ZBTB40: variants seen among roughly 807,000 people sequenced by gnomAD.
ZBTB40 encodes zinc finger and BTB domain containing 40, also known as zinc finger and BTB domain-containing protein 40.
Under a neutral mutation model 117.5 loss-of-function variants are expected in ZBTB40, and 60 were observed. The observed-to-expected ratio is 0.51, with a 90% confidence interval of 0.41 to 0.63. The LOEUF (loss-of-function observed/expected upper bound fraction) is 0.63. Among genes scored for constraint, ZBTB40 ranks in the 30% least tolerant of loss-of-function variants. The pLI is 0.00. For synonymous variants in ZBTB40, 525 were observed against 577.1 expected (o/e 0.91, Z 1.29); for missense variants, 1,287 against 1,498.5 (o/e 0.86, Z 2.33).
chr1:22,433,396 GC>G, intron 1 of ZBTB40, among the ~76,000 whole-genome samples: 1 of 107,226 alleles, frequency 9.3e-6, no homozygotes, highest in Non-Finnish European at 1.8e-5. Flanking sequence ...TCGCACCACT[GC>G]ACTCCAGCCT....
chr1:22,489,281 C>T (rs1194501859), intron 1 of ZBTB40, among the ~76,000 whole-genome samples: 1 of 152,096 alleles, frequency 6.6e-6, no homozygotes, highest in East Asian at 1.9e-4. Flanking sequence ...TCCTCGAGCA[C>T]TCCAAGCTTT....
At chr1:22,471,936 C>T (rs1372306509) in intron 1 of ZBTB40, among the ~76,000 whole-genome samples, 14 of 152,180 alleles carry the variant, frequency 9.2e-5, no homozygotes, top group African/African-American at 3.4e-4. Flanking sequence ...GTGTCAAGAG[C>T]GGATGGTGCC....
intron 1 of ZBTB40, among the ~76,000 whole-genome samples, chr1:22,474,544 A>C (rs1015265648): frequency 2.0e-5 from 3 of 152,182 alleles, no homozygotes; most frequent in African/African-American, 7.2e-5. Flanking sequence ...TAGATACCTT[A>C]CATTTTAAGT....
rs1180311612 is a variant in ZBTB40, at chr1:22,521,556, A to G, written c.3109A>G (p.Asn1037Asp). 6.2e-7 allele frequency: 1 copy of G among 1,614,150 alleles called. No individual in the cohort carries two copies. Among genetic ancestry groups the G allele is most frequent in the East Asian group, 2.2e-5 (1 of 44,878 alleles). ...THHPDVFAAQ[N>D]HRSSKFSSLQ... The stretch of plus-strand genomic sequence containing the variant: ...CCACCCTGACGTATTTGCTGCTCAG[A>G]ACCACCGATCTTCCAAGTTCTCATC... Residue 1037 changes from asparagine (N) to aspartate (D), a missense_variant, in exon 15 of 18, where the codon AAC becomes GAC. By Grantham distance (23) the Asn-to-Asp change is conservative. This residue lies in a region of ZBTB40 where 417 missense variants were observed against 564.1 expected (regional missense o/e 0.74). Transcript: ENST00000375647.
chr1:22,510,666 C>T (rs753189618), intron 9 of ZBTB40, among the ~76,000 whole-genome samples: 54 of 152,128 alleles, frequency 3.5e-4, no homozygotes, highest in Admixed American at 2.1e-3. Flanking sequence ...TTCTTTAAAA[C>T]GCTGAGTTTC....
chr1:22,450,300 G>A (rs553208315), upstream of ZBTB40, among the ~76,000 whole-genome samples: 1 of 152,288 alleles, frequency 6.6e-6, no homozygotes, highest in East Asian at 1.9e-4. Context: ...CACCCTTCTA[G>A]GTGTTTGTTT....
upstream of ZBTB40, among the ~76,000 whole-genome samples, chr1:22,449,867 T>G (rs1182656524): frequency 6.6e-6 from 1 of 152,222 alleles, no homozygotes; most frequent in Non-Finnish European, 1.5e-5. Flanking sequence ...ACTCCTGAGC[T>G]TCAAGCCATC....
intron 13 of ZBTB40, 81 bp from the exon 14 acceptor site, chr1:22,519,980 A>T: frequency 8.0e-7 from 1 of 1,244,888 alleles, no homozygotes; most frequent in Non-Finnish European, 1.2e-6. Context: ...GTACACAACA[A>T]CCAGTGTTTC....
Position 22,502,452 on chromosome 1 carries a change from CAA to C in ZBTB40, c.1167+12_1167+13del, listed in dbSNP as rs113017506. ...GGCACTGAAAAAAGGGTAACTGTGT[CAA>C]GTGTCTCCTCCCTCCTCCTGAATTC... On this transcript the variant is annotated intron_variant, in intron 5 of 17. Transcript: ENST00000375647. 1.8e-4 allele frequency: 293 copies of C among 1,613,936 alleles called. 2 individuals are homozygous for C. In the African/African-American group the frequency reaches 3.3e-3, roughly 18 times the overall value.
chr1:22,502,548 T>C (rs1215322216), intron 5 of ZBTB40, 107 bp downstream of exon 5: 1 of 1,447,774 alleles, frequency 6.9e-7, no homozygotes, highest in South Asian at 1.2e-5. Context: ...TAATACATAC[T>C]GCATAGTAAG....
intron 8 of ZBTB40, 92 bp downstream of exon 8, chr1:22,508,823 C>A: frequency 1.5e-6 from 2 of 1,310,086 alleles, no homozygotes; most frequent in Non-Finnish European, 1.1e-6. Context: ...TAACGGTAGT[C>A]ACCTACATCC....
intron 1 of ZBTB40, among the ~76,000 whole-genome samples, chr1:22,456,798 T>C (rs1314089870): frequency 1.3e-5 from 2 of 152,218 alleles, no homozygotes; most frequent in Non-Finnish European, 2.9e-5. Context: ...TTGTTGTTAA[T>C]TTACATGAGA....
chr1:22,522,760 A>C (rs1569892234), intron 16 of ZBTB40, among the ~76,000 whole-genome samples: 1 of 139,642 alleles, frequency 7.2e-6, no homozygotes, highest in African/African-American at 2.6e-5. Context: ...TATAAGATAT[A>C]CCATTTTTAT....
In ZBTB40 at chr1:22,490,064, A is replaced by G. The variant is rs1455937304; in HGVS notation, c.116A>G (p.Lys39Arg). The change falls in exon 2 of 18, where the codon AAG becomes AGG. Residue 39 changes from lysine (K) to arginine (R), a missense_variant. By Grantham distance (26) the Lys-to-Arg change is conservative. This residue lies in a region of ZBTB40 where 870 missense variants were observed against 934.4 expected (regional missense o/e 0.93). Transcript: ENST00000375647. ...GGTACCATTTACTTCAGGGCTCACA[A>G]GCTTGTCCTGGCTGCTGCCAGCCTC... is the stretch of plus-strand genomic sequence containing the variant. ...SIGTIYFRAH[K>R]LVLAAASLLF... 9.9e-6 allele frequency: 16 copies of G among 1,614,036 alleles called. No homozygotes were observed. The Admixed American group carries it at 2.7e-4, about 27-fold the overall frequency.
rs1269182398 is a variant in ZBTB40, at chr1:22,435,764, A to T, written c.-70+6750A>T. 2.0e-5 allele frequency among the ~76,000 whole-genome samples: 3 copies of T among 152,236 alleles called. No homozygotes were observed. In the East Asian group the frequency reaches 5.8e-4, roughly 29 times the overall value. On this transcript the variant is annotated intron_variant, in intron 1 of 8. Coordinates refer to the ZBTB40 transcript ENST00000650433. ...TGCTTTTGAATGATACCTTATGAAG[A>T]TGAAAATATTCATAATACAGACTGA...
intron 1 of ZBTB40, among the ~76,000 whole-genome samples, chr1:22,487,014 C>T (rs952394034): frequency 6.6e-6 from 1 of 152,184 alleles, no homozygotes; most frequent in South Asian, 2.1e-4. Flanking sequence ...GGATTACAAG[C>T]GTGAGCTGCT....
At chr1:22,463,921 C>T (rs1641191982) in intron 1 of ZBTB40, among the ~76,000 whole-genome samples, 1 of 152,230 alleles carries the variant, frequency 6.6e-6, no homozygotes, top group Non-Finnish European at 1.5e-5. Flanking sequence ...ATTATAGGCA[C>T]ATCAGGAATC....
chr1:22,456,834 A>G (rs983122760), intron 1 of ZBTB40, among the ~76,000 whole-genome samples: 1 of 152,228 alleles, frequency 6.6e-6, no homozygotes, highest in African/African-American at 2.4e-5. Context: ...CCTATTGTCT[A>G]GGCAACCTCG....
chr1:22,432,273 A>T (rs575041517), intron 1 of ZBTB40, among the ~76,000 whole-genome samples: 1 of 152,286 alleles, frequency 6.6e-6, no homozygotes, highest in East Asian at 1.9e-4. Flanking sequence ...ACACTCCAGC[A>T]TCCTGTGGGC....
Sources: gnomAD v4.1 joint callset for allele counts (sites outside exome capture counted in the v4.1 genomes callset) on GRCh38, gnomAD v4.1.1 for gene constraint, gnomAD v4.1.1 regional missense constraint, MANE v1.5 for transcripts, NCBI Gene and HGNC (gene_info 2026-07-23, HGNC 2026-07-21) for gene names.